Variants in RAB3C observed in about 807,000 individuals in gnomAD.
RAB3C encodes the protein RAB3C, member RAS oncogene family.
In RAB3C, 17 loss-of-function variants were observed where a neutral mutation model predicts 26.4. The ratio of observed to expected loss-of-function variants is 0.64; its 90% CI spans 0.44 to 0.97. The LOEUF (loss-of-function observed/expected upper bound fraction) is 0.97. RAB3C is among the 50% of genes least tolerant of loss of function. The pLI is 0.00. For synonymous variants in RAB3C, 91 were observed against 95.9 expected, an observed-to-expected ratio of 0.95 and a Z score of 0.30; for missense variants, 242 against 281.9, an observed-to-expected ratio of 0.86 and a Z score of 1.01.
intron 2 of RAB3C, among the ~76,000 whole-genome samples, chr5:58,665,318 A>C (rs1299996851): frequency 6.6e-6 from 1 of 152,204 alleles, no homozygotes; most frequent in Non-Finnish European, 1.5e-5. Context: ...AGAGATAAGT[A>C]ATACCTGATA....
chr5:58,582,914 C>G (rs1745930440), upstream of RAB3C: 4 of 584,162 alleles, frequency 6.8e-6, no homozygotes, highest in Admixed American at 7.5e-5. Flanking sequence ...CCGAGCCCGA[C>G]TGGCGGATCG....
intron 2 of RAB3C, among the ~76,000 whole-genome samples, chr5:58,618,227 G>A (rs1746866042): frequency 6.6e-6 from 1 of 151,980 alleles, no homozygotes; most frequent in Non-Finnish European, 1.5e-5. Flanking sequence ...TGACATTTTT[G>A]TAATCTATAA....
chr5:58,839,654 G>A (rs902568409), intron 4 of RAB3C, among the ~76,000 whole-genome samples: 1 of 152,078 alleles, frequency 6.6e-6, no homozygotes, highest in East Asian at 1.9e-4. Flanking sequence ...ACAGACATGA[G>A]CCACTGCACC....
chr5:58,659,228 ACACATG>A (rs1285990546), intron 2 of RAB3C, among the ~76,000 whole-genome samples: 1 of 152,228 alleles, frequency 6.6e-6, no homozygotes, highest in African/African-American at 2.4e-5. Context: ...ATATATATAT[ACACATG>A]CACATATATA....
At chr5:58,647,570 G>T (rs1747548838) in intron 2 of RAB3C, 1 of 152,056 alleles carries the variant, frequency 6.6e-6, no homozygotes, top group African/African-American at 2.4e-5. Flanking sequence ...AACCATATCA[G>T]ATACTTTAGC....
chr5:58,790,346 CAA>C (rs1412132602), intron 3 of RAB3C, among the ~76,000 whole-genome samples: 1 of 152,132 alleles, frequency 6.6e-6, no homozygotes, highest in Non-Finnish European at 1.5e-5. Flanking sequence ...TGTGGGATTT[CAA>C]AAGAGTAGCA....
intron 1 of RAB3C, among the ~76,000 whole-genome samples, chr5:58,606,198 A>G (rs1746565062): frequency 6.6e-6 from 1 of 152,138 alleles, no homozygotes; most frequent in Non-Finnish European, 1.5e-5. Flanking sequence ...CTGCCCAAAT[A>G]CTGTGCTTCT....
At chr5:58,848,236 G>A (rs1744045535) in intron 4 of RAB3C, among the ~76,000 whole-genome samples, 2 of 152,152 alleles carry the variant, frequency 1.3e-5, no homozygotes, top group South Asian at 4.1e-4. Flanking sequence ...TGAATCTTGA[G>A]CAGTGTAAGA....
intron 2 of RAB3C, among the ~76,000 whole-genome samples, chr5:58,657,512 A>G (rs949350409): frequency 5.3e-5 from 8 of 152,198 alleles, no homozygotes; most frequent in African/African-American, 1.9e-4. Context: ...CTTAGAGAGC[A>G]GCAGTACAAT....
At chr5:58,841,271 G>A (rs1030174977) in intron 4 of RAB3C, among the ~76,000 whole-genome samples, 1 of 152,176 alleles carries the variant, frequency 6.6e-6, no homozygotes, top group Non-Finnish European at 1.5e-5. Flanking sequence ...GAGTTGCCCT[G>A]GGCAAGATTG....
intron 1 of RAB3C, among the ~76,000 whole-genome samples, chr5:58,616,613 T>C (rs1226780412): frequency 6.6e-6 from 1 of 152,226 alleles, no homozygotes; most frequent in Non-Finnish European, 1.5e-5. Flanking sequence ...TATTTTATGC[T>C]AGATGCTTTA....
At chr5:58,602,575 G>A (rs1031287200) in intron 1 of RAB3C, among the ~76,000 whole-genome samples, 1 of 152,054 alleles carries the variant, frequency 6.6e-6, no homozygotes, top group Non-Finnish European at 1.5e-5. Flanking sequence ...GTTGGATAAG[G>A]CCTTTTACCA....
chr5:58,702,313 A>G (rs1748861080), intron 2 of RAB3C, among the ~76,000 whole-genome samples: 1 of 152,102 alleles, frequency 6.6e-6, no homozygotes. Context: ...TAAACATCAT[A>G]TAGGCTGTGT....
chr5:58,761,061 T>TCACACACACACACA (rs769194224), intron 3 of RAB3C, among the ~76,000 whole-genome samples: 110 of 126,538 alleles, frequency 8.7e-4, no homozygotes, highest in African/African-American at 2.8e-3. Context: ...TCTCTCTCTC[T>TCACACACACACACA]CTCACACACA....
chr5:58,682,632 C>T (rs959208561), intron 2 of RAB3C, among the ~76,000 whole-genome samples: 5 of 150,270 alleles, frequency 3.3e-5, no homozygotes, highest in South Asian at 2.1e-4. Context: ...TGCAGTGAGC[C>T]GGGATCGTGC....
At chr5:58,656,364 A>G (rs1025446845) in intron 2 of RAB3C, among the ~76,000 whole-genome samples, 4 of 152,246 alleles carry the variant, frequency 2.6e-5, no homozygotes, top group Non-Finnish European at 4.4e-5. Context: ...AGTAGATCTT[A>G]AATGTTCTCA....
chr5:58,697,314 A>G (rs1313066802), intron 2 of RAB3C, among the ~76,000 whole-genome samples: 1 of 152,156 alleles, frequency 6.6e-6, no homozygotes, highest in East Asian at 1.9e-4. Flanking sequence ...CCAGTCTTTT[A>G]CAATTGCTGA....
At chr5:58,621,923 A>G (rs1267732292) in intron 2 of RAB3C, among the ~76,000 whole-genome samples, 2 of 152,132 alleles carry the variant, frequency 1.3e-5, no homozygotes, top group Non-Finnish European at 2.9e-5. Context: ...TGAGTGGGAA[A>G]GCGCTCCTCA....
At chr5:58,669,758 T>C (rs539163249) in intron 2 of RAB3C, among the ~76,000 whole-genome samples, 1 of 152,326 alleles carries the variant, frequency 6.6e-6, no homozygotes, top group Non-Finnish European at 1.5e-5. Flanking sequence ...CATGTAAGTG[T>C]GATCCCAGCT....
Sources: allele counts gnomAD v4.1 joint callset (sites outside exome capture counted in the v4.1 genomes callset), GRCh38; gene constraint gnomAD v4.1.1; transcripts MANE v1.5; gene names NCBI Gene and HGNC (gene_info 2026-07-23, HGNC 2026-07-21).